PPIH: variants seen among roughly 807,000 people sequenced by gnomAD.
PPIH encodes peptidyl-prolyl cis-trans isomerase H.
In PPIH, 16 loss-of-function variants were observed where a neutral mutation model predicts 27.6. That is an observed-to-expected ratio of 0.58 (90% CI 0.39 to 0.88). The LOEUF (loss-of-function observed/expected upper bound fraction) is 0.88, where lower values mean the gene tolerates loss of function less well. Among genes scored for constraint, PPIH ranks in the 40% least tolerant of loss-of-function variants. The pLI, the probability that PPIH is intolerant of heterozygous loss-of-function variation, is 0.00. For missense variants in PPIH, 155 were observed against 224.1 expected (o/e 0.69, Z 1.97); for synonymous variants, 63 against 76.1 (o/e 0.83, Z 0.90).
At chr1:42,658,930 G>T (rs764130748) in intron 2 of PPIH, 22 bp downstream of exon 2, 7 of 1,612,100 alleles carry the variant, frequency 4.3e-6, no homozygotes, top group African/African-American at 1.3e-5. Context: ...CTCCAGCTCC[G>T]CTGGATTAGC....
chr1:42,680,787 T>G (rs952301421), downstream of PPIH, among the ~76,000 whole-genome samples: 4 of 152,188 alleles, frequency 2.6e-5, no homozygotes, highest in Admixed American at 2.6e-4. Context: ...ATTCGTGTCA[T>G]GTAAAAATTA....
intron 9 of PPIH, among the ~76,000 whole-genome samples, chr1:42,668,382 T>TTTCCTTCCTTTCTTCCCATC (rs1181807854): frequency 1.3e-5 from 2 of 151,926 alleles, no homozygotes; most frequent in East Asian, 3.9e-4. Flanking sequence ...CCCTCCATCC[T>TTTCCTTCCTTTCTTCCCATC]TTCCTTCCTT....
At chr1:42,679,051 G>T (rs1649963044), downstream of PPIH, among the ~76,000 whole-genome samples, 1 of 152,190 alleles carries the variant, frequency 6.6e-6, no homozygotes, top group African/African-American at 2.4e-5. Context: ...GCAGGCACTG[G>T]AGTTGTCTGT....
At chr1:42,662,727 C>G (rs1649108339) in intron 5 of PPIH, among the ~76,000 whole-genome samples, 1 of 152,104 alleles carries the variant, frequency 6.6e-6, no homozygotes, top group African/African-American at 2.4e-5. Flanking sequence ...AAGAAAAGTG[C>G]AAAGAAGAAA....
rs1166637067 is a variant in PPIH at position 42,666,482 on chromosome 1, G to A, written c.425-65G>A. ...GTTTAATGAGAAAATAGCTAAGAATGGGCTTTGGAAGCTGGAAAATGCTAT... is the reference window on the plus strand; with the variant it reads ...GTTTAATGAGAAAATAGCTAAGAATAGGCTTTGGAAGCTGGAAAATGCTAT... On this transcript the variant is annotated intron_variant, in intron 7 of 9. Coordinates refer to ENST00000304979, the MANE Select transcript of PPIH (RefSeq NM_006347.4). The A allele has an allele frequency of 6.0e-6, 9 of 1,495,016 alleles. No individual in the cohort carries two copies. The East Asian group carries it at 2.0e-4, about 34-fold the overall frequency. The allele number at this position is 1,495,016 out of a possible 1,614,324, so 92.6% of individuals were successfully genotyped here.
At chr1:42,661,276 TCTC>T (rs1299393204) in intron 5 of PPIH, among the ~76,000 whole-genome samples, 3 of 152,180 alleles carry the variant, frequency 2.0e-5, no homozygotes, top group African/African-American at 4.8e-5. Context: ...TGGAGGTAAG[TCTC>T]CTTCTAGTGG....
At chr1:42,664,765 C>T in intron 5 of PPIH, 98 bp from the exon 6 acceptor site, 1 of 918,476 alleles carries the variant, frequency 1.1e-6, no homozygotes, top group South Asian at 1.6e-5. Flanking sequence ...TAAGAGTAGA[C>T]TTTAAAGATG....
intron 8 of PPIH, 57 bp from the exon 9 acceptor site, chr1:42,667,294 A>G: frequency 2.0e-6 from 3 of 1,487,634 alleles, no homozygotes; most frequent in African/African-American, 1.4e-5. Context: ...TAAAAGTTTG[A>G]TAAGGGAACG....
intron 3 of PPIH, 92 bp downstream of exon 3, chr1:42,659,343 G>GA (rs1183246206): frequency 9.9e-6 from 16 of 1,614,078 alleles, no homozygotes; most frequent in Non-Finnish European, 1.4e-5. Context: ...TGCTGGCCTT[G>GA]AATGATTGCT....
intron 1 of PPIH, 99 bp from the exon 2 acceptor site, chr1:42,658,745 C>G (rs539602106): frequency 1.4e-6 from 2 of 1,391,682 alleles, no homozygotes; most frequent in East Asian, 2.3e-5. Context: ...GTGGGAGATA[C>G]CGAGCGGCAG....
At chr1:42,660,810 A>G (rs1480707795) in intron 4 of PPIH, 52 bp from the exon 5 acceptor site, 3 of 1,399,542 alleles carry the variant, frequency 2.1e-6, no homozygotes, top group Admixed American at 2.1e-5. Context: ...AACAACATCT[A>G]TGTTTTTCTA....
At chr1:42,659,149 T>G (rs1467828722) in intron 2 of PPIH, 79 bp from the exon 3 acceptor site, 2 of 1,592,982 alleles carry the variant, frequency 1.3e-6, no homozygotes, top group East Asian at 4.5e-5. Flanking sequence ...GGCTCCAGTG[T>G]TTATTCTTTC....
At chr1:42,669,036 C>A (rs963792365) in intron 9 of PPIH, among the ~76,000 whole-genome samples, 1 of 149,390 alleles carries the variant, frequency 6.7e-6, no homozygotes, top group Non-Finnish European at 1.5e-5. Flanking sequence ...CTGGTGAGAT[C>A]CCGTCTTTCC....
At chr1:42,676,890 A>G (rs990783172), downstream of PPIH, 3 of 152,108 alleles carry the variant, frequency 2.0e-5, no homozygotes, top group African/African-American at 7.2e-5. Flanking sequence ...ACCAGAGCCA[A>G]GCTTTTGCTG....
downstream of PPIH, among the ~76,000 whole-genome samples, chr1:42,676,926 C>T (rs913860919): frequency 6.6e-6 from 1 of 152,082 alleles, no homozygotes; most frequent in Admixed American, 6.5e-5. Flanking sequence ...TCTTGACTTG[C>T]AGGCAGTTGT....
At chr1:42,674,864 A>G (rs1349687655) in intron 9 of PPIH, among the ~76,000 whole-genome samples, 2 of 152,224 alleles carry the variant, frequency 1.3e-5, no homozygotes, top group African/African-American at 4.8e-5. Flanking sequence ...TGCCAGCTGA[A>G]AAGGCCAGGA....
At position 42,658,503 on chromosome 1, in the gene PPIH, T is replaced by G; in HGVS notation, c.57T>G (p.Ile19Met). The G allele has an allele frequency of 6.2e-7, 1 of 1,614,068 alleles. No homozygotes were observed. The highest frequency in any genetic ancestry group is 8.5e-7 in the Non-Finnish European group (1 of 1,179,924). The change falls in exon 1 of 10, where the codon ATT becomes ATG. Residue 19 changes from isoleucine to methionine, a missense_variant. By Grantham distance (10) the Ile-to-Met change is conservative. Around this residue, in one of 2 missense-constraint regions of PPIH, gnomAD observed 59 missense variants for 48.8 expected, o/e 1.21. Transcript: ENST00000304979. ...CCGTGGTGTTCTTTGATGTCAGTATTGGCGGTCAGGTGAGATCCAGGAGGC... is the reference window on the plus strand; with the variant it reads ...CCGTGGTGTTCTTTGATGTCAGTATGGGCGGTCAGGTGAGATCCAGGAGGC... ...VNPVVFFDVS[I>M]GGQEVGRMKI... is the part of the protein sequence containing the mutation.
chr1:42,667,964 G>A (rs552341409), intron 9 of PPIH, among the ~76,000 whole-genome samples: 125 of 152,320 alleles, frequency 8.2e-4, no homozygotes, highest in African/African-American at 2.9e-3. Flanking sequence ...TTTCTTACCC[G>A]TAATTACCAC....
downstream of PPIH, chr1:42,676,904 A>G (rs1170415616): frequency 6.6e-6 from 1 of 152,126 alleles, no homozygotes; most frequent in Non-Finnish European, 1.5e-5. Flanking sequence ...TTTGCTGTGT[A>G]TAGTTAATGC....
Sources: gnomAD v4.1 joint callset for allele counts (sites outside exome capture counted in the v4.1 genomes callset) on GRCh38, gnomAD v4.1.1 for gene constraint, gnomAD v4.1.1 regional missense constraint, MANE v1.5 for transcripts, NCBI Gene and HGNC (gene_info 2026-07-23, HGNC 2026-07-21) for gene names.